Variants in ICA1 observed in about 807,000 individuals in gnomAD.
The protein encoded by ICA1 is 69 kDa islet cell autoantigen.
ICA1 carries 40 observed loss-of-function variants against 71.0 expected under a neutral mutation model. The ratio of observed to expected loss-of-function variants is 0.56; its 90% CI spans 0.44 to 0.73. ICA1 has a LOEUF of 0.73. Ranked by LOEUF, ICA1 falls within the 30% of genes least tolerant of loss-of-function variation. The pLI, the probability that ICA1 is intolerant of heterozygous loss-of-function variation, is 0.00. For missense variants in ICA1, 578 were observed against 576.5 expected, an observed-to-expected ratio of 1.00 and a Z score of -0.03; for synonymous variants, 207 against 209.5, an observed-to-expected ratio of 0.99 and a Z score of 0.10.
intron 6 of ICA1, among the ~76,000 whole-genome samples, chr7:8,167,963 T>C (rs1382168988): frequency 6.6e-6 from 1 of 151,958 alleles, no homozygotes; most frequent in Non-Finnish European, 1.5e-5. Flanking sequence ...GTAAGGAACA[T>C]TGGTCTGAGA....
rs1791620223 is a variant in ICA1 at position 8,132,025 on chromosome 7, C to A, written c.1061-3883G>T. Among the ~76,000 whole-genome samples, 1 of 152,230 alleles carries A rather than the reference C, an allele frequency of 6.6e-6. No individual in the cohort carries two copies. The highest frequency in any genetic ancestry group is 1.5e-5 in the Non-Finnish European group (1 of 68,048). Reference sequence around the variant, plus strand: ...GAGGATCTCTCAGGTGCCAAACCCACAGATGCTACACCAAGTTCCCTTCAC... The same window carrying A: ...GAGGATCTCTCAGGTGCCAAACCCAAAGATGCTACACCAAGTTCCCTTCAC... On this transcript the variant is annotated intron_variant, in intron 12 of 13. Coordinates refer to ENST00000402384, the MANE Select transcript of ICA1 (RefSeq NM_001136020.3). The surrounding 1 kb of genome is among the most constrained non-coding windows in gnomAD (Gnocchi z 4.5).
intron 3 of ICA1, among the ~76,000 whole-genome samples, chr7:8,229,872 A>G (rs570736000): frequency 1.3e-4 from 20 of 152,262 alleles, no homozygotes; most frequent in Non-Finnish European, 2.2e-4. Context: ...AGTGTTTTAT[A>G]TCAGTATTCT....
intron 13 of ICA1, among the ~76,000 whole-genome samples, chr7:8,122,248 C>T (rs1460378944): frequency 6.6e-6 from 1 of 152,112 alleles, no homozygotes; most frequent in Non-Finnish European, 1.5e-5. Flanking sequence ...AACAATGCCA[C>T]GAAGACAGCT....
At chr7:8,248,714 C>T (rs1807023630) in intron 1 of ICA1, among the ~76,000 whole-genome samples, 2 of 152,076 alleles carry the variant, frequency 1.3e-5, no homozygotes, top group East Asian at 3.9e-4. Context: ...AGATGCCCAC[C>T]ACTCCCTCAA....
chr7:8,119,312 A>T (rs1394434837), intron 13 of ICA1, among the ~76,000 whole-genome samples: 1 of 152,148 alleles, frequency 6.6e-6, no homozygotes, highest in Admixed American at 6.5e-5. Context: ...CACAATGGGA[A>T]CTCAAACAAG....
intron 5 of ICA1, chr7:8,218,768 G>A (rs1796164722): frequency 2.0e-6 from 1 of 489,588 alleles, no homozygotes; most frequent in South Asian, 2.0e-5. Flanking sequence ...TGTTGGGGGT[G>A]GTCTTGAGCC....
intron 1 of ICA1, among the ~76,000 whole-genome samples, chr7:8,241,038 A>G (rs1250111269): frequency 6.6e-6 from 1 of 152,198 alleles, no homozygotes; most frequent in Non-Finnish European, 1.5e-5. Flanking sequence ...AGGCAGGCCA[A>G]TATTCAAATT....
intron 1 of ICA1, among the ~76,000 whole-genome samples, chr7:8,246,992 C>G (rs1003580046): frequency 6.6e-6 from 1 of 152,140 alleles, no homozygotes; most frequent in African/African-American, 2.4e-5. Flanking sequence ...ATGATCCACC[C>G]GCCTTGGCCT....
chr7:8,163,995 A>C (rs2128214126), intron 6 of ICA1, among the ~76,000 whole-genome samples: 1 of 152,202 alleles, frequency 6.6e-6, no homozygotes, highest in East Asian at 1.9e-4. Flanking sequence ...GGACTGAAGG[A>C]GAGAGTTGAA....
chr7:8,190,595 G>A (rs1785275117), intron 6 of ICA1, among the ~76,000 whole-genome samples: 1 of 152,130 alleles, frequency 6.6e-6, no homozygotes, highest in Non-Finnish European at 1.5e-5. Flanking sequence ...CAATTCAGAT[G>A]GCTTAGAAAA....
intron 12 of ICA1, among the ~76,000 whole-genome samples, chr7:8,134,537 T>A (rs1792659196): frequency 6.6e-6 from 1 of 152,132 alleles, no homozygotes; most frequent in Non-Finnish European, 1.5e-5. Flanking sequence ...TCTCTCTGGT[T>A]TTCTCCCTCG....
intron 6 of ICA1, among the ~76,000 whole-genome samples, chr7:8,190,586 A>T (rs1785271710): frequency 6.6e-6 from 1 of 152,202 alleles, no homozygotes; most frequent in Admixed American, 6.5e-5. Context: ...GTTTAGTACC[A>T]ATTCAGATGG....
chr7:8,255,058 C>T (rs546794582), intron 1 of ICA1, among the ~76,000 whole-genome samples: 2 of 152,274 alleles, frequency 1.3e-5, no homozygotes, highest in East Asian at 1.9e-4. Context: ...CTGCTGTTCG[C>T]TTCCTTCTCC....
At chr7:8,161,201 G>C (rs1295501730) in intron 6 of ICA1, among the ~76,000 whole-genome samples, 1 of 152,168 alleles carries the variant, frequency 6.6e-6, no homozygotes, top group African/African-American at 2.4e-5. Context: ...TACATAACAG[G>C]GAGTCAATAA....
intron 6 of ICA1, among the ~76,000 whole-genome samples, chr7:8,184,087 G>C (rs1000410349): frequency 6.6e-6 from 1 of 152,192 alleles, no homozygotes; most frequent in Non-Finnish European, 1.5e-5. Context: ...TAGTTAATTT[G>C]CTAGCATCTT....
rs931075528 is a variant in ICA1 at position 8,235,638 on chromosome 7, G to C, written c.17+272C>G. Among the ~76,000 whole-genome samples the C allele has an allele frequency of 3.3e-5, 5 of 152,146 alleles. No homozygotes were observed. In the South Asian group the frequency reaches 8.3e-4, roughly 25 times the overall value. On this transcript the variant is annotated intron_variant, in intron 2 of 13. Transcript: ENST00000402384. ...ACTCATTACATTAGACAAAATGGTGGTAAGAAAAACTATCAGTAGGTTCCC... is the reference window on the plus strand; with the variant it reads ...ACTCATTACATTAGACAAAATGGTGCTAAGAAAAACTATCAGTAGGTTCCC...
At chr7:8,170,479 A>G (rs1807900538) in intron 6 of ICA1, among the ~76,000 whole-genome samples, 1 of 151,950 alleles carries the variant, frequency 6.6e-6, no homozygotes, top group Admixed American at 6.6e-5. Context: ...CTCTCTCTCC[A>G]TTTATTGGAT....
intron 6 of ICA1, among the ~76,000 whole-genome samples, chr7:8,214,653 C>A (rs1201320011): frequency 6.6e-6 from 1 of 152,192 alleles, no homozygotes; most frequent in African/African-American, 2.4e-5. Context: ...ACCCCCGACA[C>A]AGACACTTAA....
At position 8,195,871 on chromosome 7, in the gene ICA1, G is replaced by A. The variant is rs531411951; in HGVS notation, c.579+22434C>T. Among the ~76,000 whole-genome samples the A allele has an allele frequency of 7.2e-5, 11 of 152,170 alleles. No homozygotes were observed. The East Asian group carries it at 1.6e-3, about 21-fold the overall frequency. ...TATGTGCCTGTAGTCCCAGCTACTCGGGAGGCTGAGGCAGGAGAATTGCTT... is the reference window on the plus strand; with the variant it reads ...TATGTGCCTGTAGTCCCAGCTACTCAGGAGGCTGAGGCAGGAGAATTGCTT... On this transcript the variant is annotated intron_variant, in intron 6 of 13. Coordinates refer to ENST00000402384, the MANE Select transcript of ICA1 (RefSeq NM_001136020.3).
Sources: gnomAD v4.1 joint callset for allele counts (sites outside exome capture counted in the v4.1 genomes callset) on GRCh38, gnomAD v4.1.1 for gene constraint, Gnocchi (gnomAD v3.1) non-coding constraint, MANE v1.5 for transcripts, NCBI Gene and HGNC (gene_info 2026-07-23, HGNC 2026-07-21) for gene names.